The following WNT2 variants were observed in gnomAD, a reference collection of about 807,000 sequenced individuals.
WNT2 encodes the protein Wnt family member 2.
A neutral mutation model predicts 36.9 loss-of-function variants in WNT2; 12 were observed. The observed-to-expected ratio is 0.33, with a 90% CI of 0.21 to 0.53. WNT2 has a LOEUF of 0.53. Among genes scored for constraint, WNT2 ranks in the 20% least tolerant of loss-of-function variants. The pLI is 0.95. For missense variants in WNT2, 379 were observed against 473.1 expected, an observed-to-expected ratio of 0.80 and a Z score of 1.84; for synonymous variants, 163 against 174.6, an observed-to-expected ratio of 0.93 and a Z score of 0.52.
intron 4 of WNT2, among the ~76,000 whole-genome samples, chr7:117,297,056 C>T (rs1430750848): frequency 6.6e-6 from 1 of 152,172 alleles, no homozygotes; most frequent in African/African-American, 2.4e-5. Context: ...AGATGCTGGG[C>T]TGCTCTCCCT....
At chr7:117,307,779 A>T (rs1795041159) in intron 3 of WNT2, among the ~76,000 whole-genome samples, 1 of 152,196 alleles carries the variant, frequency 6.6e-6, no homozygotes, top group Non-Finnish European at 1.5e-5. Context: ...TGTCATACTG[A>T]TTTTCTTCCT....
Position 117,315,220 on chromosome 7 carries a change from C to G in WNT2, c.439G>C (p.Asp147His). ...CDPKKMGSAK[D>H]SKGIFDWGGC... ...CCCCAATCAAAAATGCCTTTGCTGT[C>G]CTTGGCGCTTCCCATCTTCTTTGGA... The change falls in exon 3 of 5, where the codon GAC becomes CAC. Residue 147 changes from aspartate to histidine, a missense_variant. Transcript: ENST00000265441. 1 of 1,614,194 alleles carries G rather than the reference C, an allele frequency of 6.2e-7. No homozygotes were observed. Among genetic ancestry groups the G allele is most frequent in the Non-Finnish European group, 8.5e-7 (1 of 1,180,032 alleles).
At chr7:117,298,267 A>T (rs764369899) in intron 3 of WNT2, among the ~76,000 whole-genome samples, 30 of 152,248 alleles carry the variant, frequency 2.0e-4, no homozygotes, top group South Asian at 6.2e-4. Context: ...AAATAAAATA[A>T]TATAAAAATG....
chr7:117,276,843 G>C lies in WNT2; in HGVS notation c.*1312C>G, dbSNP rs953329792. Reference sequence around the variant, plus strand: ...AGAAGCCAACCACTATTTGCATACTGATGCTCCCATAATTACAGTTGAGTC... The same window carrying C: ...AGAAGCCAACCACTATTTGCATACTCATGCTCCCATAATTACAGTTGAGTC... On this transcript the variant is annotated 3_prime_UTR_variant, in exon 5 of 5. Transcript: ENST00000265441. The C allele has an allele frequency of 9.9e-5, 15 of 152,208 alleles. No homozygotes were observed. Among genetic ancestry groups the C allele is most frequent in the African/African-American group, 3.1e-4 (13 of 41,438 alleles). The allele number at this position is 152,208 out of a possible 1,614,324, so 9.4% of individuals were successfully genotyped here. A position where few individuals can be genotyped will look rare whatever the true frequency, so the allele number is the denominator to read the frequency against.
chr7:117,278,023 G>T lies in WNT2; in HGVS notation c.*132C>A. ...ATCCTGGGGCCCCCAGGGAGGAAGAGGGGGCTTCCGTTGAGATAAAGGCCA... is the reference window on the plus strand; with the variant it reads ...ATCCTGGGGCCCCCAGGGAGGAAGATGGGGCTTCCGTTGAGATAAAGGCCA... On this transcript the variant is annotated 3_prime_UTR_variant, in exon 5 of 5. Coordinates refer to ENST00000265441, the MANE Select transcript of WNT2 (RefSeq NM_003391.3). 9.7e-7 allele frequency: 1 copy of T among 1,034,794 alleles called. No homozygotes were observed. The allele number at this position is 1,034,794 out of a possible 1,614,324, so 64.1% of individuals were successfully genotyped here. A position where few individuals can be genotyped will look rare whatever the true frequency, so the allele number is the denominator to read the frequency against.
rs1794350626 is a variant in WNT2, at chr7:117,275,847, C to A, written c.*2308G>T. ...CCACTTGCGATGGTTGCCATAATCT[C>A]CCTTATGGATTAGGACAATTTATGT... On this transcript the variant is annotated 3_prime_UTR_variant, in exon 5 of 5. Coordinates refer to ENST00000265441, the MANE Select transcript of WNT2 (RefSeq NM_003391.3). 6.6e-6 allele frequency among the ~76,000 whole-genome samples: 1 copy of A among 152,208 alleles called. No homozygotes were observed. The highest frequency in any genetic ancestry group is 2.1e-4 in the South Asian group (1 of 4,830).
At chr7:117,280,859 T>G (rs1292409938) in intron 4 of WNT2, among the ~76,000 whole-genome samples, 1 of 152,200 alleles carries the variant, frequency 6.6e-6, no homozygotes, top group Non-Finnish European at 1.5e-5. Flanking sequence ...GTTTATTGAG[T>G]GACTACTATG....
At chr7:117,319,425 T>C (rs1410354160) in intron 2 of WNT2, among the ~76,000 whole-genome samples, 1 of 151,818 alleles carries the variant, frequency 6.6e-6, no homozygotes, top group Non-Finnish European at 1.5e-5. Context: ...GTTATGCATT[T>C]GGCCTCATAA....
At chr7:117,289,488 T>C (rs551829538) in intron 4 of WNT2, among the ~76,000 whole-genome samples, 1 of 152,212 alleles carries the variant, frequency 6.6e-6, no homozygotes, top group Admixed American at 6.5e-5. Context: ...GGAATTTTCA[T>C]AGGCTGTGAG....
intron 4 of WNT2, among the ~76,000 whole-genome samples, chr7:117,295,428 G>A (rs1029891771): frequency 2.6e-5 from 4 of 152,192 alleles, no homozygotes; most frequent in Non-Finnish European, 5.9e-5. Context: ...AGCGGAGTAC[G>A]CAAGAATAAC....
At chr7:117,312,700 A>C (rs1404898357) in intron 3 of WNT2, among the ~76,000 whole-genome samples, 1 of 152,242 alleles carries the variant, frequency 6.6e-6, no homozygotes, top group Non-Finnish European at 1.5e-5. Flanking sequence ...CATGAAAGAA[A>C]GAAATCATTA....
In WNT2 at chr7:117,276,147, C is replaced by T. The variant is rs948352751; in HGVS notation, c.*2008G>A. Among the ~76,000 whole-genome samples, 4 of 152,222 alleles carry T rather than the reference C, an allele frequency of 2.6e-5. No homozygotes were observed. Among genetic ancestry groups the T allele is most frequent in the African/African-American group, 9.6e-5 (4 of 41,458 alleles). On this transcript the variant is annotated 3_prime_UTR_variant, in exon 5 of 5. Coordinates refer to ENST00000265441, the MANE Select transcript of WNT2 (RefSeq NM_003391.3). ...CTGATATGTGCACCAATCCCTTCGCCTCTCTTGGTCTCAATTTCCCCAAAC... is the reference window on the plus strand; with the variant it reads ...CTGATATGTGCACCAATCCCTTCGCTTCTCTTGGTCTCAATTTCCCCAAAC...
rs529889894 is a variant in WNT2 at position 117,275,824 on chromosome 7, A to G, written c.*2331T>C. Among the ~76,000 whole-genome samples the G allele has an allele frequency of 7.9e-5, 12 of 152,276 alleles. No homozygotes were observed. Among genetic ancestry groups the G allele is most frequent in the African/African-American group, 2.6e-4 (11 of 41,556 alleles). ...CACCTCAGTGGCAGGACCCACTGCC[A>G]CTTGCGATGGTTGCCATAATCTCCC... On this transcript the variant is annotated 3_prime_UTR_variant, in exon 5 of 5. Transcript: ENST00000265441.
At chr7:117,302,608 T>G (rs749460536) in intron 3 of WNT2, among the ~76,000 whole-genome samples, 1 of 152,178 alleles carries the variant, frequency 6.6e-6, no homozygotes, top group Admixed American at 6.5e-5. Context: ...CACACCCACA[T>G]GGATCTTCAT....
chr7:117,295,092 A>G (rs1444175855), intron 4 of WNT2, among the ~76,000 whole-genome samples: 1 of 152,066 alleles, frequency 6.6e-6, no homozygotes, highest in Non-Finnish European at 1.5e-5. Flanking sequence ...CTCTGTCTCA[A>G]AAAAAGAAAA....
chr7:117,290,188 G>A (rs60127256), intron 4 of WNT2, among the ~76,000 whole-genome samples: 5,782 of 152,252 alleles, frequency 0.038, 236 homozygotes, highest in African/African-American at 0.1. Context: ...CATAGGAATG[G>A]AGAGACCAAA....
intron 3 of WNT2, among the ~76,000 whole-genome samples, chr7:117,312,637 T>A (rs1795142466): frequency 6.6e-6 from 1 of 152,210 alleles, no homozygotes; most frequent in Non-Finnish European, 1.5e-5. Flanking sequence ...TTATTCATAG[T>A]CCTAATTGGA....
intron 4 of WNT2, among the ~76,000 whole-genome samples, chr7:117,281,896 G>A (rs1794496321): frequency 6.6e-6 from 1 of 152,174 alleles, no homozygotes; most frequent in East Asian, 1.9e-4. Context: ...AGATGAATGT[G>A]GTGGAGGAGA....
intron 3 of WNT2, among the ~76,000 whole-genome samples, chr7:117,303,227 C>A (rs1038534024): frequency 8.5e-5 from 13 of 152,144 alleles, no homozygotes; most frequent in Non-Finnish European, 1.8e-4. Flanking sequence ...TGCACCGTGG[C>A]GGGAGTCTGG....
Sources: gnomAD v4.1 joint callset for allele counts (sites outside exome capture counted in the v4.1 genomes callset) on GRCh38, gnomAD v4.1.1 for gene constraint, MANE v1.5 for transcripts, NCBI Gene and HGNC (gene_info 2026-07-23, HGNC 2026-07-21) for gene names.